The following TJP1 variants were observed in gnomAD, a reference collection of about 807,000 sequenced individuals.
The protein encoded by TJP1 is tight junction protein 1, also known as tight junction protein ZO-1.
Under a neutral mutation model 194.2 loss-of-function variants are expected in TJP1, and 43 were observed. The ratio of observed to expected loss-of-function variants is 0.22; its 90% CI spans 0.17 to 0.29. The LOEUF (loss-of-function observed/expected upper bound fraction) is 0.29, where lower values mean the gene tolerates loss of function less well. TJP1 is among the 10% of genes least tolerant of loss of function. The pLI is 1.00. For synonymous variants in TJP1, 801 were observed against 779.0 expected, an observed-to-expected ratio of 1.03 and a Z score of -0.47; for missense variants, 1,971 against 2,185.7, an observed-to-expected ratio of 0.90 and a Z score of 1.96.
chr15:29,750,296 C>A (rs1479468196), intron 8 of TJP1, among the ~76,000 whole-genome samples: 2 of 152,138 alleles, frequency 1.3e-5, no homozygotes, highest in African/African-American at 2.4e-5. Context: ...AGCCACCACG[C>A]CCGGCCTAAT....
intron 2 of TJP1, among the ~76,000 whole-genome samples, chr15:29,793,308 G>A (rs2048210501): frequency 1.3e-5 from 2 of 152,132 alleles, no homozygotes; most frequent in African/African-American, 4.8e-5. Flanking sequence ...TTATCATGAA[G>A]GGATGCTGAA....
intron 10 of TJP1, among the ~76,000 whole-genome samples, chr15:29,740,264 T>C (rs1398252212): frequency 2.6e-5 from 4 of 152,146 alleles, no homozygotes; most frequent in African/African-American, 7.2e-5. Context: ...CATAAGCCAC[T>C]GCGCCCGGCC....
intron 2 of TJP1, among the ~76,000 whole-genome samples, chr15:29,927,325 A>G (rs2152264149): frequency 6.6e-6 from 1 of 152,316 alleles, no homozygotes; most frequent in South Asian, 2.1e-4. Flanking sequence ...GCCTCAAAAA[A>G]AGGAAGGAAA....
Position 29,773,347 on chromosome 15 carries a change from A to T in TJP1, c.95T>A (p.Phe32Tyr). The part of the protein sequence containing the change: ...HTVTLHRAPG[F>Y]GFGIAISGGR... The stretch of plus-strand genomic sequence containing the variant: ...ACCAGATATTGCAATTCCAAATCCA[A>T]ATCCAGGAGCCTAAAGTAAAAATTA... Residue 32 changes from phenylalanine (F) to tyrosine (Y), a missense_variant, in exon 3 of 28, where the codon TTT (phenylalanine) becomes TAT (tyrosine). Phe to Tyr is a conservative substitution (Grantham distance 22). Coordinates refer to ENST00000614355, the MANE Select transcript of TJP1 (RefSeq NM_001330239.4). The T allele has an allele frequency of 3.7e-6, 6 of 1,613,838 alleles. No individual in the cohort carries two copies. Among genetic ancestry groups the T allele is most frequent in the Non-Finnish European group, 4.2e-6 (5 of 1,179,816 alleles).
chr15:29,715,803 A>G (rs1037163243), intron 23 of TJP1, among the ~76,000 whole-genome samples: 1 of 152,150 alleles, frequency 6.6e-6, no homozygotes, highest in African/African-American at 2.4e-5. Flanking sequence ...TTCCTGACCA[A>G]CTGCCCTCTG....
chr15:29,909,133 G>C (rs2053930091), intron 2 of TJP1, among the ~76,000 whole-genome samples: 1 of 148,356 alleles, frequency 6.7e-6, no homozygotes, highest in Non-Finnish European at 1.5e-5. Flanking sequence ...CTCCAGCCTG[G>C]GGAACAGAGG....
chr15:29,906,380 G>A (rs1259547553), intron 2 of TJP1, among the ~76,000 whole-genome samples: 3 of 151,578 alleles, frequency 2.0e-5, no homozygotes, highest in African/African-American at 7.3e-5. Context: ...GGCTGAGGCA[G>A]GAGAATTGCT....
At chr15:29,800,820 G>C in intron 1 of TJP1, 118 bp from the exon 2 acceptor site, 1 of 949,664 alleles carries the variant, frequency 1.1e-6, no homozygotes, top group East Asian at 2.5e-5. Context: ...GTTAATATTA[G>C]AGACACTCTG....
chr15:29,821,995 C>T lies in TJP1; in HGVS notation c.27+7G>A. The T allele has an allele frequency of 7.5e-7, 1 of 1,330,014 alleles. No homozygotes were observed. The highest frequency in any genetic ancestry group is 2.2e-5 in the South Asian group (1 of 45,484). The allele number at this position is 1,330,014 out of a possible 1,614,324, so 82.4% of individuals were successfully genotyped here. ...GGTCTGGCCCTGGCGGCCGCGGAGG[C>T]GCTCACCTTGGCGGCCGCAGCTCTG... On this transcript the variant is annotated splice_region_variant and intron_variant, in intron 1 of 27. Coordinates refer to ENST00000614355, the MANE Select transcript of TJP1 (RefSeq NM_001330239.4).
At chr15:29,736,997 A>T (rs573505901) in intron 11 of TJP1, among the ~76,000 whole-genome samples, 5 of 152,156 alleles carry the variant, frequency 3.3e-5, no homozygotes, top group Admixed American at 2.0e-4. Context: ...ATTTTCTTTT[A>T]TTTCCATGAA....
At chr15:29,773,496 T>C in intron 2 of TJP1, 139 bp from the exon 3 acceptor site, 1 of 760,326 alleles carries the variant, frequency 1.3e-6, no homozygotes, top group South Asian at 2.0e-5. Context: ...ACCTGCATGG[T>C]TACCTATTAG....
At chr15:29,821,772 G>C (rs1308386296) in intron 1 of TJP1, among the ~76,000 whole-genome samples, 2 of 150,156 alleles carry the variant, frequency 1.3e-5, no homozygotes, top group Non-Finnish European at 3.0e-5. Flanking sequence ...GCGGCCGGGC[G>C]CCCGCAGCCC....
chr15:29,863,549 C>A (rs1262006789), intron 2 of TJP1, among the ~76,000 whole-genome samples: 1 of 152,120 alleles, frequency 6.6e-6, no homozygotes. Context: ...TGGGGTGTCA[C>A]AACCACAACA....
chr15:29,952,600 TA>T lies in TJP1; in HGVS notation c.306+3631del, dbSNP rs369042483. Among the ~76,000 whole-genome samples the T allele has an allele frequency of 3.4e-4, 52 of 151,990 alleles. 1 individual carries two copies. The East Asian group carries it at 7.9e-3, about 23-fold the overall frequency. ...ACTTGCTATGTTTTTCTAAAAGCAA[TA>T]AAAGTTGTATTTTTCCTTAGACAAA... On this transcript the variant is annotated intron_variant, in intron 2 of 28. Transcript: ENST00000356107.
chr15:29,797,974 G>A (rs1035618610), intron 2 of TJP1, among the ~76,000 whole-genome samples: 6 of 152,080 alleles, frequency 3.9e-5, no homozygotes, highest in Non-Finnish European at 8.8e-5. Context: ...GTGTGATACC[G>A]CTAGATACCC....
intron 10 of TJP1, among the ~76,000 whole-genome samples, chr15:29,739,278 A>G (rs955853907): frequency 6.6e-6 from 1 of 152,318 alleles, no homozygotes; most frequent in African/African-American, 2.4e-5. Context: ...TGCCTGCATT[A>G]TATTAACTAC....
chr15:29,756,698 G>A (rs1221126547), intron 8 of TJP1, among the ~76,000 whole-genome samples: 1 of 152,092 alleles, frequency 6.6e-6, no homozygotes, highest in East Asian at 1.9e-4. Flanking sequence ...ATGGAACGCT[G>A]GTAGATTTTA....
At chr15:29,939,423 C>T (rs8027580) in intron 2 of TJP1, among the ~76,000 whole-genome samples, 3 of 152,104 alleles carry the variant, frequency 2.0e-5, no homozygotes, top group East Asian at 1.9e-4. Flanking sequence ...AGTCTCTCTG[C>T]GAATGCTTCA....
chr15:29,769,695 C>T (rs1011718152), intron 4 of TJP1, among the ~76,000 whole-genome samples: 5 of 152,162 alleles, frequency 3.3e-5, no homozygotes, highest in Non-Finnish European at 2.9e-5. Context: ...CACCTAGGGA[C>T]GCCACAGGGT....
Sources: gnomAD v4.1 joint callset for allele counts (sites outside exome capture counted in the v4.1 genomes callset) on GRCh38, gnomAD v4.1.1 for gene constraint, MANE v1.5 for transcripts, NCBI Gene and HGNC (gene_info 2026-07-23, HGNC 2026-07-21) for gene names.